Variants in ERMP1 observed in about 807,000 individuals in gnomAD.
The protein encoded by ERMP1 is Felix-ina.
ERMP1 carries 86 observed loss-of-function variants against 92.0 expected under a neutral mutation model. That is an observed-to-expected ratio of 0.93 (90% CI 0.79 to 1.12). The LOEUF is 1.12. Ranked by LOEUF, ERMP1 falls within the 50% of genes most tolerant of loss-of-function variation. ERMP1 has a pLI of 0.00. For missense variants in ERMP1, 1,342 were observed against 1,116.3 expected (o/e 1.20, Z -2.88); for synonymous variants, 530 against 412.8 (o/e 1.28, Z -3.44).
intron 13 of ERMP1, among the ~76,000 whole-genome samples, chr9:5,794,933 GACA>G (rs1464292978): frequency 2.0e-5 from 3 of 152,078 alleles, no homozygotes; most frequent in African/African-American, 4.8e-5. Context: ...ACCAAAGCTA[GACA>G]ACAACAATAC....
At position 5,856,300 on chromosome 9, in the gene ERMP1, C is replaced by T; in HGVS notation, n.3199+3168G>A. The T allele has an allele frequency of 1.2e-5, 3 of 251,438 alleles. No homozygotes were observed. The South Asian group carries it at 1.5e-4, about 12-fold the overall frequency. The allele number at this position is 251,438 out of a possible 1,614,324, so 15.6% of individuals were successfully genotyped here. ...TTCTCTGTTTATTGTTTTGCCATGT[C>T]AGTAACTTCGGTGTTGGCCTTGGTG... On this transcript the variant is annotated intron_variant and non_coding_transcript_variant, in intron 6 of 6. Transcript: ENST00000690753.
Position 5,812,193 on chromosome 9 carries a change from T to C in ERMP1, c.1046A>G (p.Asn349Ser), listed in dbSNP as rs141049730. 2.5e-6 allele frequency: 4 copies of C among 1,606,500 alleles called. No individual in the cohort carries two copies. The African/African-American group carries it at 4.0e-5, about 16-fold the overall frequency. ...IPGIDLAFIENGYIYHTKYDT... is the reference protein window; with the variant it reads ...IPGIDLAFIESGYIYHTKYDT... ...ATACTTGGTGTGATAAATGTATCCATTCTCAATAAAAGCTAAGTCTATTCC... is the reference window on the plus strand; with the variant it reads ...ATACTTGGTGTGATAAATGTATCCACTCTCAATAAAAGCTAAGTCTATTCC... Residue 349 changes from asparagine (N) to serine (S), a missense_variant, in exon 6 of 15, where the codon AAT becomes AGT. Asn to Ser is a conservative substitution (Grantham distance 46, BLOSUM62 1). Transcript: ENST00000339450.
Position 5,832,981 on chromosome 9 carries a change from C to T in ERMP1, c.47G>A (p.Gly16Glu). ...CGCCGCTCCCTCTCGACGCTCTACT[C>T]CGACGCGGTGCCGCCTCACAGCAGC... ...ESAAVRRHRV[G>E]VERREGAAAA... The change falls in exon 1 of 15, where the codon GGA (glycine) becomes GAA (glutamate). Residue 16 changes from glycine (G) to glutamate (E), a missense_variant. By Grantham distance (98) the Gly-to-Glu change is moderately conservative (BLOSUM62 -2). Coordinates refer to ENST00000339450, the MANE Select transcript of ERMP1 (RefSeq NM_024896.3). 6.4e-7 allele frequency: 1 copy of T among 1,562,176 alleles called. No homozygotes were observed. The highest frequency in any genetic ancestry group is 8.6e-7 in the Non-Finnish European group (1 of 1,165,112).
chr9:5,807,130 C>T (rs958101512), intron 8 of ERMP1, among the ~76,000 whole-genome samples: 10 of 152,270 alleles, frequency 6.6e-5, no homozygotes, highest in African/African-American at 2.4e-4. Flanking sequence ...AAACATCGCT[C>T]GAATCTATTT....
chr9:5,856,784 C>T (rs1042528371), intron 6 of ERMP1, among the ~76,000 whole-genome samples: 1 of 152,140 alleles, frequency 6.6e-6, no homozygotes. Context: ...GATTTGGGGA[C>T]ACTTTATTTA....
chr9:5,861,976 A>G (rs79726489), intron 5 of ERMP1, among the ~76,000 whole-genome samples: 6,408 of 151,978 alleles, frequency 0.042, 343 homozygotes, highest in East Asian at 0.24. Context: ...TTAAAAGTTA[A>G]AGTTTTTTAA....
At position 5,810,042 on chromosome 9, in the gene ERMP1, A is replaced by G. The variant is rs142615324; in HGVS notation, c.1517T>C (p.Ile506Thr). ...ATAAAATCTTTTCGCAAGAGTATGT[A>G]TAAGTATTATTTTGGCTACAGTTGC... ...GTATVAKIILIHTLAKRFYYM... is the reference protein window; with the variant it reads ...GTATVAKIILTHTLAKRFYYM... The change falls in exon 8 of 15, where the codon ATA (isoleucine) becomes ACA (threonine). Residue 506 changes from isoleucine to threonine, a missense_variant. By Grantham distance (89) the Ile-to-Thr change is moderately conservative. Coordinates refer to ENST00000339450, the MANE Select transcript of ERMP1 (RefSeq NM_024896.3). The G allele has an allele frequency of 5.9e-5, 95 of 1,612,492 alleles. 1 individual carries two copies. Among genetic ancestry groups the G allele is most frequent in the Middle Eastern group, 3.3e-4 (2 of 6,060 alleles).
chr9:5,832,567 TG>T, intron 1 of ERMP1, 122 bp downstream of exon 1: 1 of 747,680 alleles, frequency 1.3e-6, no homozygotes, highest in Non-Finnish European at 2.0e-6. Flanking sequence ...ACGTGCAGCC[TG>T]GGAGGGGTCA....
intron 1 of ERMP1, among the ~76,000 whole-genome samples, chr9:5,832,119 C>A (rs1829963967): frequency 6.6e-6 from 1 of 151,562 alleles, no homozygotes; most frequent in Non-Finnish European, 1.5e-5. Context: ...CTTACACAGT[C>A]ACTAATCCAA....
chr9:5,806,460 C>T (rs1241163433), intron 8 of ERMP1, among the ~76,000 whole-genome samples: 3 of 150,102 alleles, frequency 2.0e-5, no homozygotes, highest in African/African-American at 7.4e-5. Flanking sequence ...CAGGTTCTCG[C>T]TCTGTCGCCT....
intron 6 of ERMP1, among the ~76,000 whole-genome samples, chr9:5,848,064 G>A (rs1430467975): frequency 1.3e-5 from 2 of 152,168 alleles, no homozygotes; most frequent in Non-Finnish European, 2.9e-5. Flanking sequence ...TGGCTGAGGT[G>A]GGATCTGAAG....
intron 4 of ERMP1, among the ~76,000 whole-genome samples, chr9:5,816,015 T>C (rs1829290820): frequency 6.6e-6 from 1 of 152,038 alleles, no homozygotes; most frequent in South Asian, 2.1e-4. Context: ...AGCCAAACTA[T>C]CATTAATTAT....
chr9:5,832,546 C>T (rs1829988735), intron 1 of ERMP1, 144 bp downstream of exon 1: 1 of 598,658 alleles, frequency 1.7e-6, no homozygotes. Context: ...CAAGCAAGGT[C>T]ACCCCACCCC....
chr9:5,814,257 T>C (rs1240778095), intron 4 of ERMP1, among the ~76,000 whole-genome samples: 1 of 152,186 alleles, frequency 6.6e-6, no homozygotes, highest in Non-Finnish European at 1.5e-5. Flanking sequence ...CTGCAGTTAT[T>C]CAGAAACCAA....
At chr9:5,833,263 A>G, upstream of ERMP1, 1 of 475,868 alleles carries the variant, frequency 2.1e-6, no homozygotes. Flanking sequence ...CGTCTCCCGC[A>G]GGGCTTTTCC....
intron 11 of ERMP1, among the ~76,000 whole-genome samples, chr9:5,799,303 A>T (rs925899631): frequency 6.6e-6 from 1 of 152,236 alleles, no homozygotes; most frequent in African/African-American, 2.4e-5. Flanking sequence ...CTTTTAGATA[A>T]GGATTTAAAA....
chr9:5,808,586 C>A (rs1244236163), intron 8 of ERMP1, among the ~76,000 whole-genome samples: 1 of 152,212 alleles, frequency 6.6e-6, no homozygotes, highest in Admixed American at 6.5e-5. Context: ...TCATCCATGT[C>A]TCATTCTAAT....
In ERMP1 at chr9:5,787,486, CAA is replaced by C; in HGVS notation, c.2492_2493del (p.Phe831CysfsTer26). 3 of 1,614,152 alleles carry C rather than the reference CAA, an allele frequency of 1.9e-6. No homozygotes were observed. The highest frequency in any genetic ancestry group is 2.5e-6 in the Non-Finnish European group (3 of 1,179,994). On this transcript the variant is annotated frameshift_variant, in exon 14 of 15. Transcript: ENST00000339450. LOFTEE classifies it high-confidence loss of function. Reference protein sequence around the residue: ...TPVTSKGGDYFVFYSHGLQAS... With the variant: ...TPVTSKGGDYXVFYSHGLQAS... ...GCCTGGAGTCCATGGGAGTAAAAGA[CAA>C]AGTAGTCTCCTCCTTTACTTGTGAC...
At chr9:5,857,728 A>C (rs1293035825) in intron 6 of ERMP1, among the ~76,000 whole-genome samples, 5 of 152,216 alleles carry the variant, frequency 3.3e-5, no homozygotes, top group Non-Finnish European at 7.3e-5. Context: ...TCAGCATATC[A>C]TCCCACGTTA....
Sources: gnomAD v4.1 joint callset for allele counts (sites outside exome capture counted in the v4.1 genomes callset) on GRCh38, gnomAD v4.1.1 for gene constraint, MANE v1.5 for transcripts, NCBI Gene and HGNC (gene_info 2026-07-23, HGNC 2026-07-21) for gene names.